Variants in TRIM23 observed in about 807,000 individuals in gnomAD.
The protein encoded by TRIM23 is E3 ubiquitin-protein ligase TRIM23.
In TRIM23, 27 loss-of-function variants were observed where a neutral mutation model predicts 71.0. The ratio of observed to expected loss-of-function variants is 0.38; its 90% CI spans 0.28 to 0.52. The LOEUF is 0.52. Ranked by LOEUF, TRIM23 falls within the 20% of genes least tolerant of loss-of-function variation. The probability of loss-of-function intolerance (pLI) is 0.84; values close to 1 mark genes in which losing one functional copy is unlikely to be tolerated. For missense variants in TRIM23, 482 were observed against 692.3 expected (o/e 0.70, Z 3.41); for synonymous variants, 234 against 238.0 (o/e 0.98, Z 0.16).
At chr5:65,596,903 C>T (rs1306342392) in intron 8 of TRIM23, 148 bp downstream of exon 8, 2 of 928,794 alleles carry the variant, frequency 2.2e-6, no homozygotes, top group Non-Finnish European at 3.2e-6. Context: ...CATAGTCATA[C>T]AATCTTGCAT....
Position 65,590,380 on chromosome 5 carries a change from C to G in TRIM23, c.*1389G>C. 1 of 1,426,362 alleles carries G rather than the reference C, an allele frequency of 7.0e-7. No homozygotes were observed. Among genetic ancestry groups the G allele is most frequent in the Non-Finnish European group, 9.3e-7 (1 of 1,079,852 alleles). 88.4% of individuals were successfully genotyped at this position (1,426,362 alleles called of 1,614,324 possible). Reference sequence around the variant, plus strand: ...ATACTGATAGGCTTTTTTTTTAATGCTTTGTTTTCTAAAACTTGTATTGTT... The same window carrying G: ...ATACTGATAGGCTTTTTTTTTAATGGTTTGTTTTCTAAAACTTGTATTGTT... On this transcript the variant is annotated 3_prime_UTR_variant, in exon 11 of 11. Coordinates refer to ENST00000231524, the MANE Select transcript of TRIM23 (RefSeq NM_001656.4).
At position 65,618,256 on chromosome 5, in the gene TRIM23, C is replaced by G; in HGVS notation, c.82-1G>C. Reference sequence around the variant, plus strand: ...CTTCACAAACTCCACACTCTAGCACCTAATATTTGAAAAGGAAGGATGTGC... The same window carrying G: ...CTTCACAAACTCCACACTCTAGCACGTAATATTTGAAAAGGAAGGATGTGC... On this transcript the variant is annotated splice_acceptor_variant, in intron 1 of 10. Coordinates refer to ENST00000231524, the MANE Select transcript of TRIM23 (RefSeq NM_001656.4). LOFTEE classifies it high-confidence loss of function. 1 of 1,604,054 alleles carries G rather than the reference C, an allele frequency of 6.2e-7. No homozygotes were observed. The highest frequency in any genetic ancestry group is 8.5e-7 in the Non-Finnish European group (1 of 1,176,244).
In TRIM23 at chr5:65,619,714, A is replaced by G. The variant is rs1202729316; in HGVS notation, c.82-1459T>C. 4.6e-5 allele frequency among the ~76,000 whole-genome samples: 7 copies of G among 152,372 alleles called. 1 individual carries two copies. The South Asian group carries it at 1.4e-3, about 32-fold the overall frequency. On this transcript the variant is annotated intron_variant, in intron 1 of 10. Transcript: ENST00000231524. The stretch of plus-strand genomic sequence containing the variant: ...ATAAAAATGAATAAAAATAAGAAAC[A>G]TAACATTGTTCAGAGAAAAGAAGAT...
intron 3 of TRIM23, among the ~76,000 whole-genome samples, chr5:65,613,205 C>T (rs1754695860): frequency 6.6e-6 from 1 of 151,436 alleles, no homozygotes; most frequent in African/African-American, 2.5e-5. Flanking sequence ...AAATTATAAA[C>T]TATAATGTCA....
At chr5:65,611,112 ATCCCTAT>A in intron 4 of TRIM23, 69 bp from the exon 5 acceptor site, 1 of 1,357,878 alleles carries the variant, frequency 7.4e-7, no homozygotes, top group African/African-American at 1.5e-5. Flanking sequence ...AACTATTTAA[ATCCCTAT>A]TAATACAAAA....
Position 65,611,934 on chromosome 5 carries a change from A to T in TRIM23, c.367-53T>A. On this transcript the variant is annotated intron_variant, in intron 3 of 10. Coordinates refer to ENST00000231524, the MANE Select transcript of TRIM23 (RefSeq NM_001656.4). ...AATTGAACCCAATCAGTATAACATG[A>T]CGAATTTTTAAATATAGAATCCATA... 4 of 1,511,760 alleles carry T rather than the reference A, an allele frequency of 2.6e-6. No individual in the cohort carries two copies. In the South Asian group the frequency reaches 5.1e-5, roughly 19 times the overall value. 93.6% of individuals were successfully genotyped at this position (1,511,760 alleles called of 1,614,324 possible).
At chr5:65,619,197 T>C (rs1311895440) in intron 1 of TRIM23, among the ~76,000 whole-genome samples, 3 of 152,180 alleles carry the variant, frequency 2.0e-5, no homozygotes, top group African/African-American at 4.8e-5. Flanking sequence ...GCTCCAACTA[T>C]ATCCAACAGC....
At chr5:65,614,362 C>T (rs1754728962) in intron 2 of TRIM23, 143 bp from the exon 3 acceptor site, 1 of 744,944 alleles carries the variant, frequency 1.3e-6, no homozygotes, top group Admixed American at 2.8e-5. Flanking sequence ...TTTTTAATAC[C>T]AAAATAATTG....
chr5:65,591,841 A>G lies in TRIM23; in HGVS notation c.1653T>C (p.Gly551=). ...WYIQGCDARS[G]MGLYEGLDWL... is the part of the protein sequence containing the mutation. ...AGTCCAACCCTTCATACAGTCCCAT[A>G]CCACTTCGAGCATCACAGCCCTGAA... The change falls in exon 11 of 11, where the codon GGT becomes GGC. Residue 551 remains glycine (G), a synonymous_variant. Transcript: ENST00000231524. 6.2e-7 allele frequency: 1 copy of G among 1,613,998 alleles called. No individual in the cohort carries two copies. The highest frequency in any genetic ancestry group is 8.5e-7 in the Non-Finnish European group (1 of 1,179,952).
In TRIM23 at chr5:65,611,599, A is replaced by G; in HGVS notation, c.645+4T>C. The G allele has an allele frequency of 6.2e-7, 1 of 1,610,204 alleles. No individual in the cohort carries two copies. The highest frequency in any genetic ancestry group is 8.5e-7 in the Non-Finnish European group (1 of 1,176,914). On this transcript the variant is annotated splice_donor_region_variant and intron_variant, in intron 4 of 10. Coordinates refer to ENST00000231524, the MANE Select transcript of TRIM23 (RefSeq NM_001656.4). Reference sequence around the variant, plus strand: ...ATCCAACTGATTAATAATTAAATTCATACCTTGTGACCCTGGTGTTTTCCA... The same window carrying G: ...ATCCAACTGATTAATAATTAAATTCGTACCTTGTGACCCTGGTGTTTTCCA...
intron 6 of TRIM23, among the ~76,000 whole-genome samples, chr5:65,607,379 T>C (rs1381588827): frequency 2.0e-5 from 3 of 152,248 alleles, no homozygotes; most frequent in South Asian, 2.1e-4. Flanking sequence ...AGGGACATGA[T>C]TGGATTATTG....
At chr5:65,600,777 C>A (rs1166206508) in intron 7 of TRIM23, among the ~76,000 whole-genome samples, 2 of 151,940 alleles carry the variant, frequency 1.3e-5, no homozygotes, top group Non-Finnish European at 2.9e-5. Context: ...CCAGAATATA[C>A]AAAGAACTCC....
intron 6 of TRIM23, among the ~76,000 whole-genome samples, chr5:65,607,996 GA>G (rs1454706423): frequency 2.0e-5 from 3 of 152,118 alleles, no homozygotes; most frequent in Non-Finnish European, 2.9e-5. Flanking sequence ...TACTTGAATA[GA>G]AAGAACTTAA....
intron 1 of TRIM23, among the ~76,000 whole-genome samples, chr5:65,619,289 C>G (rs1364028288): frequency 6.6e-6 from 1 of 152,088 alleles, no homozygotes; most frequent in Non-Finnish European, 1.5e-5. Context: ...TCCTTTGGGC[C>G]CCGATGTACT....
Position 65,591,520 on chromosome 5 carries a change from CT to C in TRIM23, c.*248del, listed in dbSNP as rs1375758989. 3 of 1,530,086 alleles carry C rather than the reference CT, an allele frequency of 2.0e-6. No homozygotes were observed. Among genetic ancestry groups the C allele is most frequent in the South Asian group, 1.2e-5 (1 of 81,258 alleles). 94.8% of individuals were successfully genotyped at this position (1,530,086 alleles called of 1,614,324 possible). A position where few individuals can be genotyped will look rare whatever the true frequency, so the allele number is the denominator to read the frequency against. Reference sequence around the variant, plus strand: ...CTGAAAAACTTAAATAACAAATATACTTTTTAAAAGAATGTATATTCAATAA... The same window carrying C: ...CTGAAAAACTTAAATAACAAATATACTTTTAAAAGAATGTATATTCAATAA... On this transcript the variant is annotated 3_prime_UTR_variant, in exon 11 of 11. Coordinates refer to ENST00000231524, the MANE Select transcript of TRIM23 (RefSeq NM_001656.4).
In TRIM23 at chr5:65,624,310, A is replaced by G. The variant is rs773315693; in HGVS notation, c.-36T>C. ...GAAGCGCCACAGAAACAGCCTTCAG[A>G]GTCCTCAACTGAGAGGCGGGGTTGA... On this transcript the variant is annotated 5_prime_UTR_variant, in exon 1 of 11. Coordinates refer to ENST00000231524, the MANE Select transcript of TRIM23 (RefSeq NM_001656.4). The G allele has an allele frequency of 3.7e-5, 59 of 1,610,276 alleles. No individual in the cohort carries two copies. Among genetic ancestry groups the G allele is most frequent in the Non-Finnish European group, 5.1e-6 (6 of 1,178,910 alleles).
intron 6 of TRIM23, chr5:65,606,963 T>C (rs1754523535): frequency 6.6e-6 from 1 of 152,256 alleles, no homozygotes; most frequent in Non-Finnish European, 1.5e-5. Context: ...TGTTCACTGA[T>C]ATATTTTAAA....
chr5:65,624,177 C>T lies in TRIM23; in HGVS notation c.81+17G>A, dbSNP rs778732571. 3.1e-6 allele frequency: 5 copies of T among 1,614,112 alleles called. No individual in the cohort carries two copies. The Admixed American group carries it at 8.3e-5, about 27-fold the overall frequency. ...GGGAGGCCGATGGTGGAGAATAGAG[C>T]ACGCAAGGTCCCTCACCTTCACTAC... On this transcript the variant is annotated intron_variant, in intron 1 of 10. Transcript: ENST00000231524.
chr5:65,615,143 C>G (rs1278391352), intron 2 of TRIM23, among the ~76,000 whole-genome samples: 1 of 152,128 alleles, frequency 6.6e-6, no homozygotes, highest in Non-Finnish European at 1.5e-5. Flanking sequence ...CTAAAGTGAT[C>G]TGACTGCCTC....
Sources: gnomAD v4.1 joint callset for allele counts (sites outside exome capture counted in the v4.1 genomes callset) on GRCh38, gnomAD v4.1.1 for gene constraint, MANE v1.5 for transcripts, NCBI Gene and HGNC (gene_info 2026-07-23, HGNC 2026-07-21) for gene names.